The following SUCLG2 variants were observed in gnomAD, a reference collection of about 807,000 sequenced individuals.
The protein encoded by SUCLG2 is succinate-CoA ligase GDP-forming subunit beta.
Under a neutral mutation model 47.9 loss-of-function variants are expected in SUCLG2, and 42 were observed. The ratio of observed to expected loss-of-function variants is 0.88; its 90% confidence interval spans 0.69 to 1.14. The LOEUF (loss-of-function observed/expected upper bound fraction) is 1.14, where lower values mean the gene tolerates loss of function less well. Ranked by LOEUF, SUCLG2 falls within the 50% of genes most tolerant of loss-of-function variation. The pLI is 0.00. For synonymous variants in SUCLG2, 195 were observed against 197.3 expected (o/e 0.99, Z 0.10); for missense variants, 571 against 525.9 (o/e 1.09, Z -0.84).
chr3:67,434,372 A>G (rs906281004), intron 9 of SUCLG2, among the ~76,000 whole-genome samples: 3 of 152,188 alleles, frequency 2.0e-5, no homozygotes, highest in African/African-American at 7.2e-5. Context: ...CAAAAAATGA[A>G]AAACATTAGT....
At chr3:67,578,875 G>A (rs1707811584) in intron 2 of SUCLG2, among the ~76,000 whole-genome samples, 1 of 152,202 alleles carries the variant, frequency 6.6e-6, no homozygotes, top group African/African-American at 2.4e-5. Flanking sequence ...AGGAGAAAAA[G>A]GGTTCCCAGG....
intron 6 of SUCLG2, among the ~76,000 whole-genome samples, chr3:67,516,385 AT>A (rs1303835559): frequency 1.3e-5 from 2 of 152,072 alleles, no homozygotes; most frequent in Non-Finnish European, 2.9e-5. Context: ...ATAACTCTTA[AT>A]TTTCTCGTAT....
At chr3:67,381,133 C>T (rs889201649) in intron 10 of SUCLG2, among the ~76,000 whole-genome samples, 1 of 151,968 alleles carries the variant, frequency 6.6e-6, no homozygotes, top group African/African-American at 2.4e-5. Context: ...GCTGTGATTG[C>T]ACCACTGCAC....
intron 7 of SUCLG2, among the ~76,000 whole-genome samples, chr3:67,502,258 T>C (rs529421269): frequency 6.6e-6 from 1 of 152,276 alleles, no homozygotes; most frequent in African/African-American, 2.4e-5. Flanking sequence ...GTGTTGAGAG[T>C]TTGGTAGGAG....
At position 67,400,870 on chromosome 3, in the gene SUCLG2, A is replaced by T; in HGVS notation, c.1063-19T>A. The T allele has an allele frequency of 6.2e-7, 1 of 1,612,644 alleles. No homozygotes were observed. The highest frequency in any genetic ancestry group is 8.5e-7 in the Non-Finnish European group (1 of 1,179,726). Reference sequence around the variant, plus strand: ...CTTCAACCTGAAATCAAAAATAAAAAGTTACCAATCAAAATGCTGATCGCC... The same window carrying T: ...CTTCAACCTGAAATCAAAAATAAAATGTTACCAATCAAAATGCTGATCGCC... On this transcript the variant is annotated intron_variant, in intron 9 of 10. Coordinates refer to ENST00000307227, the MANE Select transcript of SUCLG2 (RefSeq NM_003848.4).
rs1414598366 is a variant in SUCLG2, at chr3:67,496,036, CTG to C, written c.920-98_920-97del. On this transcript the variant is annotated intron_variant, in intron 8 of 10. Transcript: ENST00000307227. Reference sequence around the variant, plus strand: ...TCCCCCATATTGCCAAGAGAGAACTCTGTCATTGCCAGGCCAATTTATATCCT... The same window carrying C: ...TCCCCCATATTGCCAAGAGAGAACTCTCATTGCCAGGCCAATTTATATCCT... 4 of 1,475,978 alleles carry C rather than the reference CTG, an allele frequency of 2.7e-6. No homozygotes were observed. In the East Asian group the frequency reaches 9.3e-5, roughly 34 times the overall value. 91.4% of individuals were successfully genotyped at this position (1,475,978 alleles called of 1,614,324 possible).
intron 1 of SUCLG2, among the ~76,000 whole-genome samples, chr3:67,632,198 T>C (rs545648028): frequency 5.9e-5 from 9 of 152,192 alleles, no homozygotes; most frequent in Non-Finnish European, 1.2e-4. Context: ...GTTCATTTTT[T>C]TTTAGACACA....
At chr3:67,398,066 C>A (rs1575669535) in intron 10 of SUCLG2, among the ~76,000 whole-genome samples, 2 of 150,174 alleles carry the variant, frequency 1.3e-5, no homozygotes, top group South Asian at 4.2e-4. Context: ...CCATAAAAAC[C>A]CTAGAAGAAA....
chr3:67,413,192 C>T (rs961907608), intron 9 of SUCLG2, among the ~76,000 whole-genome samples: 6 of 152,162 alleles, frequency 3.9e-5, no homozygotes, highest in Non-Finnish European at 8.8e-5. Context: ...GCTTTATTAT[C>T]TTGGGTCCTG....
At chr3:67,609,311 T>C in intron 2 of SUCLG2, 144 bp downstream of exon 2, 3 of 871,410 alleles carry the variant, frequency 3.4e-6, no homozygotes, top group South Asian at 1.8e-5. Flanking sequence ...ATCTGGACTT[T>C]TTTGCTTTTG....
intron 9 of SUCLG2, among the ~76,000 whole-genome samples, chr3:67,430,448 G>A (rs115292961): frequency 0.016 from 2,367 of 152,260 alleles, 62 homozygotes; most frequent in African/African-American, 0.054. Context: ...CACACTTAAA[G>A]CAGTGCATAG....
In SUCLG2 at chr3:67,406,095, C is replaced by T. The variant is rs1044666109; in HGVS notation, c.1063-5244G>A. Among the ~76,000 whole-genome samples the T allele has an allele frequency of 2.0e-5, 3 of 152,112 alleles. No individual in the cohort carries two copies. The East Asian group carries it at 5.8e-4, about 29-fold the overall frequency. On this transcript the variant is annotated intron_variant, in intron 9 of 10. Transcript: ENST00000307227. ...ATACTTGTGAGACAGATATTACCTA[C>T]CCCCCTTTCGCAGATGAGAAAACCA... is the stretch of plus-strand genomic sequence containing the variant.
intron 5 of SUCLG2, among the ~76,000 whole-genome samples, 190 bp from the exon 6 acceptor site, chr3:67,518,526 G>C (rs1052164889): frequency 1.3e-5 from 2 of 152,174 alleles, no homozygotes; most frequent in African/African-American, 4.8e-5. Flanking sequence ...CTATAAAAAA[G>C]CCCTTCCAAA....
intron 9 of SUCLG2, among the ~76,000 whole-genome samples, chr3:67,433,058 T>C (rs1462757280): frequency 2.0e-5 from 3 of 152,178 alleles, no homozygotes; most frequent in Non-Finnish European, 4.4e-5. Context: ...TTCTCCCCTA[T>C]GTTAGGGGAA....
intron 10 of SUCLG2, among the ~76,000 whole-genome samples, chr3:67,366,151 G>A (rs1701872077): frequency 6.6e-6 from 1 of 152,058 alleles, no homozygotes; most frequent in Admixed American, 6.6e-5. Flanking sequence ...ACTTTTTCTA[G>A]TGTGGAAACA....
chr3:67,362,213 A>G (rs1437754496), intron 10 of SUCLG2, among the ~76,000 whole-genome samples: 1 of 152,158 alleles, frequency 6.6e-6, no homozygotes, highest in Non-Finnish European at 1.5e-5. Context: ...GCAACATTAG[A>G]CTTATCTATT....
intron 9 of SUCLG2, among the ~76,000 whole-genome samples, chr3:67,475,904 C>CT (rs1704739640): frequency 6.6e-6 from 1 of 151,906 alleles, no homozygotes; most frequent in South Asian, 2.1e-4. Context: ...GAAATACTGC[C>CT]TGGAAGGATA....
intron 7 of SUCLG2, among the ~76,000 whole-genome samples, chr3:67,498,588 C>T (rs1705413329): frequency 2.0e-5 from 3 of 152,168 alleles, no homozygotes; most frequent in Admixed American, 2.0e-4. Flanking sequence ...CAGACTGGCA[C>T]AGCTTCATAG....
chr3:67,608,925 C>G (rs887255185), intron 2 of SUCLG2, among the ~76,000 whole-genome samples: 1 of 152,140 alleles, frequency 6.6e-6, no homozygotes, highest in Non-Finnish European at 1.5e-5. Flanking sequence ...GATCCTCCCT[C>G]CTCAGCCTCT....
Sources: allele counts gnomAD v4.1 joint callset (sites outside exome capture counted in the v4.1 genomes callset), GRCh38; gene constraint gnomAD v4.1.1; transcripts MANE v1.5; gene names NCBI Gene and HGNC (gene_info 2026-07-23, HGNC 2026-07-21).